The following UNC13C variants were observed in gnomAD, a reference collection of about 807,000 sequenced individuals.
UNC13C encodes the protein protein unc-13 homolog C.
Under a neutral mutation model 245.4 loss-of-function variants are expected in UNC13C, and 174 were observed. That is an observed-to-expected ratio of 0.71 (90% CI 0.63 to 0.80). UNC13C has a LOEUF of 0.80. Ranked by LOEUF, UNC13C falls within the 30% of genes least tolerant of loss-of-function variation. The probability of loss-of-function intolerance (pLI) is 0.00; values close to 1 mark genes in which losing one functional copy is unlikely to be tolerated. For synonymous variants in UNC13C, 992 were observed against 895.1 expected, an observed-to-expected ratio of 1.11 and a Z score of -1.93; for missense variants, 2,829 against 2,602.9, an observed-to-expected ratio of 1.09 and a Z score of -1.89.
At chr15:53,928,373 T>A in the UNC13C span, among the ~76,000 whole-genome samples, 1 of 152,218 alleles carries the variant, frequency 6.6e-6, no homozygotes, top group African/African-American at 2.4e-5. Context: ...CATGTTATTG[T>A]TTGTGGCTTA....
At chr15:54,063,087 G>T (rs1897918755) in intron 2 of UNC13C, among the ~76,000 whole-genome samples, 1 of 152,216 alleles carries the variant, frequency 6.6e-6, no homozygotes, top group Non-Finnish European at 1.5e-5. Context: ...CTTCCAGGAT[G>T]AGAGAGGATG....
At chr15:54,464,101 G>T (rs1031215135) in intron 19 of UNC13C, among the ~76,000 whole-genome samples, 2 of 152,138 alleles carry the variant, frequency 1.3e-5, no homozygotes, top group Non-Finnish European at 2.9e-5. Context: ...TCCATTAACA[G>T]CAATTAAAAG....
chr15:54,198,478 G>C (rs1463838446), intron 4 of UNC13C, among the ~76,000 whole-genome samples: 3 of 152,158 alleles, frequency 2.0e-5, no homozygotes, highest in Non-Finnish European at 4.4e-5. Flanking sequence ...GCTACCTCCA[G>C]TGGAGCAGAT....
chr15:54,113,216 T>G (rs531382702), intron 2 of UNC13C, among the ~76,000 whole-genome samples: 10 of 151,916 alleles, frequency 6.6e-5, no homozygotes, highest in African/African-American at 2.2e-4. Flanking sequence ...AAAAGAGAGA[T>G]AGAGAAAAGG....
chr15:54,229,057 G>A (rs1026692341), intron 4 of UNC13C, among the ~76,000 whole-genome samples: 3 of 152,184 alleles, frequency 2.0e-5, no homozygotes, highest in Non-Finnish European at 2.9e-5. Flanking sequence ...TGCTAGGGCT[G>A]GTGTAAATGC....
the UNC13C span, among the ~76,000 whole-genome samples, chr15:53,938,669 C>A: frequency 6.6e-6 from 1 of 152,154 alleles, no homozygotes; most frequent in Non-Finnish European, 1.5e-5. Context: ...CAGACCACAG[C>A]ACAATCAAAA....
At chr15:54,283,391 A>G (rs1422112796) in intron 10 of UNC13C, among the ~76,000 whole-genome samples, 1 of 152,140 alleles carries the variant, frequency 6.6e-6, no homozygotes, top group Admixed American at 6.5e-5. Context: ...TAATCCCTAC[A>G]TTATAAGTTT....
the UNC13C span, among the ~76,000 whole-genome samples, chr15:53,929,879 A>G: frequency 2.0e-5 from 3 of 152,252 alleles, no homozygotes; most frequent in Admixed American, 2.0e-4. Context: ...ATCAAAAAGA[A>G]CAAAAATAAG....
rs75040396 is a variant in UNC13C, at chr15:54,137,043, A to C, written c.2984-5975A>C. 2.0e-3 allele frequency among the ~76,000 whole-genome samples: 311 copies of C among 152,114 alleles called. 8 individuals are homozygous for C. The East Asian group carries it at 0.051, about 25-fold the overall frequency. On this transcript the variant is annotated intron_variant, in intron 2 of 32. Transcript: ENST00000260323. ...GTAGAGATAGTGTCTTGCCCCAGCT[A>C]GTCTTGCCCAGGCTAGTCTTGAACT... is the stretch of plus-strand genomic sequence containing the variant.
At chr15:54,474,450 C>A (rs1171748189) in intron 19 of UNC13C, among the ~76,000 whole-genome samples, 3 of 147,790 alleles carry the variant, frequency 2.0e-5, no homozygotes, top group Non-Finnish European at 4.5e-5. Flanking sequence ...TTTTCATATA[C>A]CAGTTGGACA....
At position 54,014,988 on chromosome 15, in the gene UNC13C, A is replaced by G. The variant is rs763405134; in HGVS notation, c.2085A>G (p.Leu695=). 7 of 1,613,742 alleles carry G rather than the reference A, an allele frequency of 4.3e-6. No individual in the cohort carries two copies. The highest frequency in any genetic ancestry group is 1.1e-5 in the South Asian group (1 of 91,068). ...AGCTTGATGTTTACAATAAAGACCT[A>G]GAATACTTGGGAAAGTGCCACAGTG... is the stretch of plus-strand genomic sequence containing the variant. ...DQQLDVYNKD[L]EYLGKCHSDL... Residue 695 remains leucine, a synonymous_variant, in exon 2 of 33, where the codon CTA becomes CTG. Transcript: ENST00000260323.
At chr15:54,027,513 G>A (rs533833855) in intron 2 of UNC13C, among the ~76,000 whole-genome samples, 2 of 152,278 alleles carry the variant, frequency 1.3e-5, no homozygotes, top group African/African-American at 4.8e-5. Context: ...GGGATTACAG[G>A]CATGTGCCAC....
intron 29 of UNC13C, among the ~76,000 whole-genome samples, chr15:54,562,073 C>T (rs1378339129): frequency 6.6e-6 from 1 of 151,894 alleles, no homozygotes; most frequent in Non-Finnish European, 1.5e-5. Flanking sequence ...GAGTTAGATG[C>T]AATGGCAGGA....
intron 25 of UNC13C, among the ~76,000 whole-genome samples, chr15:54,531,619 G>C (rs375371788): frequency 6.6e-6 from 1 of 151,626 alleles, no homozygotes; most frequent in Non-Finnish European, 1.5e-5. Context: ...TGAAGAAGGT[G>C]TATCCAGATG....
intron 4 of UNC13C, among the ~76,000 whole-genome samples, chr15:54,227,697 G>T (rs2035431049): frequency 6.6e-6 from 1 of 152,308 alleles, no homozygotes; most frequent in Non-Finnish European, 1.5e-5. Context: ...GGGACAAGGG[G>T]GCTTCCCGGG....
intron 2 of UNC13C, among the ~76,000 whole-genome samples, chr15:54,051,775 T>C (rs1897277911): frequency 6.7e-6 from 1 of 149,438 alleles, no homozygotes; most frequent in Non-Finnish European, 1.5e-5. Flanking sequence ...TTTTTTTTTA[T>C]TATACTTTAA....
At chr15:53,902,508 A>T in the UNC13C span, among the ~76,000 whole-genome samples, 1 of 152,260 alleles carries the variant, frequency 6.6e-6, no homozygotes, top group Non-Finnish European at 1.5e-5. Context: ...CAAACATGGT[A>T]GTAGAAGGAG....
upstream of UNC13C, chr15:53,976,817 G>A (rs1263521206): frequency 1.3e-5 from 2 of 152,128 alleles, no homozygotes; most frequent in African/African-American, 4.8e-5. Context: ...TCTGTACTTT[G>A]CAGTGGTTAT....
intron 8 of UNC13C, among the ~76,000 whole-genome samples, chr15:54,254,777 G>A (rs551977333): frequency 1.3e-5 from 2 of 152,254 alleles, no homozygotes; most frequent in Admixed American, 6.5e-5. Flanking sequence ...GTCAATCCTA[G>A]GGGGAAGAAA....
Sources: gnomAD v4.1 joint callset for allele counts (sites outside exome capture counted in the v4.1 genomes callset) on GRCh38, gnomAD v4.1.1 for gene constraint, MANE v1.5 for transcripts, NCBI Gene and HGNC (gene_info 2026-07-23, HGNC 2026-07-21) for gene names.